GCNT2: variants seen among roughly 807,000 people sequenced by gnomAD.
GCNT2 encodes N-acetyllactosaminide beta-1,6-N-acetylglucosaminyl-transferase.
Under a neutral mutation model 34.2 loss-of-function variants are expected in GCNT2, and 34 were observed. The ratio of observed to expected loss-of-function variants is 1.00; its 90% CI spans 0.76 to 1.32. The LOEUF (loss-of-function observed/expected upper bound fraction) is 1.32. GCNT2 is among the 40% of genes most tolerant of loss of function. The pLI, the probability that GCNT2 is intolerant of heterozygous loss-of-function variation, is 0.00. For missense variants in GCNT2, 584 were observed against 489.4 expected (o/e 1.19, Z -1.82); for synonymous variants, 212 against 188.0 (o/e 1.13, Z -1.04).
intron 1 of GCNT2, among the ~76,000 whole-genome samples, chr6:10,527,181 T>C (rs1372244774): frequency 6.6e-6 from 1 of 152,132 alleles, no homozygotes; most frequent in Admixed American, 6.5e-5. Flanking sequence ...CCCAGCACTT[T>C]GGGAGGCCGA....
chr6:10,574,733 T>G, intron 3 of GCNT2: 2 of 522,316 alleles, frequency 3.8e-6, no homozygotes, highest in South Asian at 3.5e-5. Flanking sequence ...CTTTTATTTT[T>G]TTTTAACACC....
intron 1 of GCNT2, among the ~76,000 whole-genome samples, chr6:10,523,796 C>T (rs1395793366): frequency 6.6e-6 from 1 of 151,824 alleles, no homozygotes; most frequent in Non-Finnish European, 1.5e-5. Flanking sequence ...CACGGTGAAA[C>T]CCCGTCTCTA....
intron 3 of GCNT2, among the ~76,000 whole-genome samples, chr6:10,597,393 A>C (rs1249024617): frequency 6.6e-6 from 1 of 151,844 alleles, no homozygotes; most frequent in African/African-American, 2.4e-5. Context: ...GAGCTCAAGC[A>C]ATCTGCTTGC....
At chr6:10,582,014 ATATG>A (rs1561815799) in intron 3 of GCNT2, 7 of 215,044 alleles carry the variant, frequency 3.3e-5, no homozygotes, top group South Asian at 3.4e-4. Flanking sequence ...TTATGTGTAT[ATATG>A]TATATATCAT....
chr6:10,529,081 T>A lies in GCNT2; in HGVS notation c.170T>A (p.Val57Asp). ...EACHQIFEGK[V>D]FYPTENALKT... ...TGTCATCAGATTTTTGAGGGGAAAGTTTTTTACCCAACAGAAAATGCATTG... is the reference window on the plus strand; with the variant it reads ...TGTCATCAGATTTTTGAGGGGAAAGATTTTTACCCAACAGAAAATGCATTG... The change falls in exon 3 of 5, where the codon GTT becomes GAT. Residue 57 changes from valine (V) to aspartate (D), a missense_variant. Physicochemically the swap from Val to Asp is radical, Grantham distance 152. Transcript: ENST00000495262. 1 of 1,613,770 alleles carries A rather than the reference T, an allele frequency of 6.2e-7. No individual in the cohort carries two copies. Among genetic ancestry groups the A allele is most frequent in the Non-Finnish European group, 8.5e-7 (1 of 1,179,788 alleles).
At position 10,564,981 on chromosome 6, in the gene GCNT2, A is replaced by G. The variant is rs1345178428; in HGVS notation, c.925+35145A>G. On this transcript the variant is annotated intron_variant, in intron 3 of 4. Transcript: ENST00000495262. ...CTATGAGGGAAATACACAGGGAGCA[A>G]CCTACTGTAGATGAAATGGGACAGG... is the stretch of plus-strand genomic sequence containing the variant. Among the ~76,000 whole-genome samples the G allele has an allele frequency of 3.9e-5, 6 of 152,212 alleles. No individual in the cohort carries two copies. In the East Asian group the frequency reaches 7.7e-4, roughly 20 times the overall value.
chr6:10,610,956 A>AT (rs1360658791), intron 3 of GCNT2, among the ~76,000 whole-genome samples: 2 of 152,126 alleles, frequency 1.3e-5, no homozygotes, highest in Non-Finnish European at 2.9e-5. Flanking sequence ...TAAGGAGTGA[A>AT]TTTGTTGGCA....
intron 3 of GCNT2, chr6:10,586,519 T>A: frequency 6.2e-7 from 1 of 1,614,204 alleles, no homozygotes; most frequent in Non-Finnish European, 8.5e-7. Context: ...CTGAAAGACC[T>A]TGTCGCCTCT....
In GCNT2 at chr6:10,529,230, T is replaced by C. The variant is rs1462794204; in HGVS notation, c.319T>C (p.Phe107Leu). The C allele has an allele frequency of 6.2e-7, 1 of 1,614,060 alleles. No homozygotes were observed. Among genetic ancestry groups the C allele is most frequent in the Admixed American group, 1.7e-5 (1 of 59,992 alleles). ...LAYTVTIHKDFGTFERLFRAI... is the reference protein window; with the variant it reads ...LAYTVTIHKDLGTFERLFRAI... ...TTACACAGTGACCATCCACAAAGAC[T>C]TCGGCACTTTTGAGAGGCTCTTCAG... The change falls in exon 3 of 5, where the codon TTC becomes CTC. Residue 107 changes from phenylalanine (F) to leucine (L), a missense_variant. Phe to Leu is a conservative substitution (Grantham distance 22). Coordinates refer to ENST00000495262, the MANE Select transcript of GCNT2 (RefSeq NM_145649.5).
intron 3 of GCNT2, among the ~76,000 whole-genome samples, chr6:10,589,044 ATGGTGTGTGTG>A (rs1304065201): frequency 5.2e-5 from 4 of 76,828 alleles, no homozygotes; most frequent in South Asian, 5.0e-4. Flanking sequence ...TGGTATGTGT[ATGGTGTGTGTG>A]TGGTGTGTGT....
At chr6:10,548,091 G>C (rs1285659706) in intron 3 of GCNT2, among the ~76,000 whole-genome samples, 5 of 152,166 alleles carry the variant, frequency 3.3e-5, no homozygotes, top group Non-Finnish European at 5.9e-5. Flanking sequence ...CTACTGAATA[G>C]AGAATGGTAT....
At chr6:10,575,029 A>T in intron 3 of GCNT2, 1 of 653,616 alleles carries the variant, frequency 1.5e-6, no homozygotes, top group Non-Finnish European at 2.9e-6. Context: ...ATGCTGGGGA[A>T]CACTGCAGAC....
intron 3 of GCNT2, among the ~76,000 whole-genome samples, chr6:10,542,597 A>G (rs1455405287): frequency 6.6e-6 from 1 of 152,176 alleles, no homozygotes; most frequent in Non-Finnish European, 1.5e-5. Flanking sequence ...TAACCAAATC[A>G]TACTATATGT....
intron 3 of GCNT2, among the ~76,000 whole-genome samples, chr6:10,604,438 T>C (rs10946631): frequency 0.44 from 67,565 of 152,082 alleles, 16,785 homozygotes; most frequent in East Asian, 0.64. Context: ...ATTGGCTACT[T>C]CTTTGAACTT....
chr6:10,535,657 C>T lies in GCNT2; in HGVS notation c.925+5821C>T, dbSNP rs115469000. Among the ~76,000 whole-genome samples the T allele has an allele frequency of 6.8e-3, 1,035 of 152,330 alleles. 8 individuals carry two copies. Among genetic ancestry groups the T allele is most frequent in the African/African-American group, 0.024 (996 of 41,564 alleles). On this transcript the variant is annotated intron_variant, in intron 3 of 4. Transcript: ENST00000495262. Reference sequence around the variant, plus strand: ...AAACTGACCAGTGATTTCTGTTTCACTTGCTACAAAGGAGTATTTTGAATA... The same window carrying T: ...AAACTGACCAGTGATTTCTGTTTCATTTGCTACAAAGGAGTATTTTGAATA...
Position 10,578,162 on chromosome 6 carries a change from A to G in GCNT2, c.926-43189A>G, listed in dbSNP as rs1352161055. Among the ~76,000 whole-genome samples, 8 of 152,020 alleles carry G rather than the reference A, an allele frequency of 5.3e-5. No individual in the cohort carries two copies. The East Asian group carries it at 1.6e-3, about 30-fold the overall frequency. ...TCCCAGCACTTTGGGAGGCCAAGGT[A>G]GGTGGATCACTTGAGGTCAGGAGTT... On this transcript the variant is annotated intron_variant, in intron 3 of 4. Coordinates refer to ENST00000495262, the MANE Select transcript of GCNT2 (RefSeq NM_145649.5).
At chr6:10,531,775 G>C (rs144483974) in intron 3 of GCNT2, among the ~76,000 whole-genome samples, 2,558 of 151,998 alleles carry the variant, frequency 0.017, 62 homozygotes, top group African/African-American at 0.058. Flanking sequence ...CTTGGAGTAG[G>C]ATGTAGACTC....
intron 3 of GCNT2, among the ~76,000 whole-genome samples, chr6:10,574,308 G>A (rs943561701): frequency 6.6e-6 from 1 of 152,172 alleles, no homozygotes; most frequent in Non-Finnish European, 1.5e-5. Context: ...ATATATGCAT[G>A]TGCTTATATA....
At position 10,626,382 on chromosome 6, in the gene GCNT2, T is replaced by C. The variant is rs190748067; in HGVS notation, c.1019-35T>C. ...TTCATCACCCTTTTGAAAGCAAGCA[T>C]GTTTTGACTCTGTTTCTTGTTCTTT... is the stretch of plus-strand genomic sequence containing the variant. On this transcript the variant is annotated intron_variant, in intron 4 of 4. Coordinates refer to ENST00000495262, the MANE Select transcript of GCNT2 (RefSeq NM_145649.5). 2.8e-4 allele frequency: 414 copies of C among 1,486,290 alleles called. 4 individuals are homozygous for C. In the East Asian group the frequency reaches 7.3e-3, roughly 26 times the overall value. The allele number at this position is 1,486,290 out of a possible 1,614,324, so 92.1% of individuals were successfully genotyped here.
Sources: allele counts gnomAD v4.1 joint callset (sites outside exome capture counted in the v4.1 genomes callset), GRCh38; gene constraint gnomAD v4.1.1; transcripts MANE v1.5; gene names NCBI Gene and HGNC (gene_info 2026-07-23, HGNC 2026-07-21).